The following MPPED1 variants were observed in gnomAD, a reference collection of about 807,000 sequenced individuals.
MPPED1 encodes the protein metallophosphoesterase domain containing 1.
In MPPED1, 16 loss-of-function variants were observed where a neutral mutation model predicts 36.2. The ratio of observed to expected loss-of-function variants is 0.44; its 90% CI spans 0.30 to 0.67. The LOEUF is 0.67. Ranked by LOEUF, MPPED1 falls within the 30% of genes least tolerant of loss-of-function variation. The pLI, the probability that MPPED1 is intolerant of heterozygous loss-of-function variation, is 0.10. For synonymous variants in MPPED1, 199 were observed against 191.3 expected (o/e 1.04, Z -0.33); for missense variants, 307 against 453.4 (o/e 0.68, Z 2.93).
chr22:43,451,752 CG>C (rs1456080777), intron 3 of MPPED1, among the ~76,000 whole-genome samples: 9 of 152,228 alleles, frequency 5.9e-5, no homozygotes, highest in African/African-American at 2.2e-4. Context: ...TCCTGTGTCC[CG>C]GGTGAGTCCA....
At chr22:43,479,262 C>A (rs1000876741) in intron 4 of MPPED1, among the ~76,000 whole-genome samples, 3 of 152,236 alleles carry the variant, frequency 2.0e-5, no homozygotes, top group Admixed American at 1.3e-4. Context: ...ATATTGGCTA[C>A]CACGTGGACT....
At chr22:43,478,463 A>G (rs1320819317) in intron 4 of MPPED1, among the ~76,000 whole-genome samples, 4 of 152,110 alleles carry the variant, frequency 2.6e-5, no homozygotes, top group Admixed American at 2.0e-4. Context: ...TCCATCATCA[A>G]TAAGAGCCAT....
In MPPED1 at chr22:43,412,015, C is replaced by T; in HGVS notation, c.-222C>T. 21 of 978,934 alleles carry T rather than the reference C, an allele frequency of 2.1e-5. No homozygotes were observed. Among genetic ancestry groups the T allele is most frequent in the Non-Finnish European group, 2.5e-5 (21 of 827,324 alleles). The allele number at this position is 978,934 out of a possible 1,614,324, so 60.6% of individuals were successfully genotyped here. On this transcript the variant is annotated 5_prime_UTR_variant, in exon 1 of 7. Transcript: ENST00000443721. ...CCACGAAGGAGGAGTCTGGCTCCCA[C>T]TTGCAGCCTCGGACGCGCGGCGAGG...
At chr22:43,476,363 C>T (rs5759356) in intron 4 of MPPED1, among the ~76,000 whole-genome samples, 65,673 of 151,752 alleles carry the variant, frequency 0.43, 14,650 homozygotes, top group East Asian at 0.63. Context: ...TAACCTGAGC[C>T]TTGAGGGAAG....
intron 3 of MPPED1, among the ~76,000 whole-genome samples, chr22:43,455,115 C>CTTTTTTTTTTTTTTTTTTTTT (rs71284734): frequency 8.1e-6 from 1 of 122,768 alleles, no homozygotes. Context: ...CCTTCATGTC[C>CTTTTTTTTTTTTTTTTTTTTT]TTTTTTTTTT....
chr22:43,474,778 A>G lies in MPPED1; in HGVS notation c.449A>G (p.His150Arg), dbSNP rs1179091323. 6.2e-7 allele frequency: 1 copy of G among 1,613,954 alleles called. No homozygotes were observed. Among genetic ancestry groups the G allele is most frequent in the Non-Finnish European group, 8.5e-7 (1 of 1,179,920 alleles). The stretch of plus-strand genomic sequence containing the variant: ...TACAAGATCGTGATCGCAGGCAACC[A>G]CGAGCTGACCTTTGACCAGGAGTTC... ...YEYKIVIAGN[H>R]ELTFDQEFMA... is the part of the protein sequence containing the mutation. Residue 150 changes from histidine to arginine, a missense_variant, in exon 4 of 7, where the codon CAC (histidine) becomes CGC (arginine). This residue lies in a region of MPPED1 where 6 missense variants were observed against 28.8 expected (regional missense o/e 0.21). Transcript: ENST00000443721. The surrounding 1 kb of genome is among the most constrained non-coding windows in gnomAD (Gnocchi z 5.2).
Position 43,418,095 on chromosome 22 carries a change from G to C in MPPED1, c.-79+5937G>C, listed in dbSNP as rs1433121108. ...CCCCAGTGATTGTTAAAGAGCTGCC[G>C]ATGAATGGAAGAGAAACACAGGTGT... is the stretch of plus-strand genomic sequence containing the variant. On this transcript the variant is annotated intron_variant, in intron 1 of 6. Transcript: ENST00000443721. 15 of 456,142 alleles carry C rather than the reference G, an allele frequency of 3.3e-5. 1 individual carries two copies. The Admixed American group carries it at 3.5e-4, about 11-fold the overall frequency. The allele number at this position is 456,142 out of a possible 1,614,324, so 28.3% of individuals were successfully genotyped here. A position where few individuals can be genotyped will look rare whatever the true frequency, so the allele number is the denominator to read the frequency against.
chr22:43,473,163 G>C (rs1032303521), intron 3 of MPPED1, among the ~76,000 whole-genome samples: 5 of 152,232 alleles, frequency 3.3e-5, no homozygotes, highest in African/African-American at 1.2e-4. Context: ...GGTGGAAAAG[G>C]CTCTGCTGTT....
intron 4 of MPPED1, among the ~76,000 whole-genome samples, chr22:43,495,552 A>G (rs936307566): frequency 5.4e-5 from 1 of 18,528 alleles, no homozygotes; most frequent in Admixed American, 5.4e-4. Flanking sequence ...GTGGTGGTGG[A>G]GATGGTGGTG....
chr22:43,430,750 G>A (rs1929648465), intron 2 of MPPED1, among the ~76,000 whole-genome samples: 1 of 151,896 alleles, frequency 6.6e-6, no homozygotes, highest in African/African-American at 2.4e-5. Context: ...TTTTGGGGGG[G>A]AGTCACAAAG....
chr22:43,495,460 A>G (rs1260377554), intron 4 of MPPED1, among the ~76,000 whole-genome samples: 18 of 55,046 alleles, frequency 3.3e-4, no homozygotes, highest in Admixed American at 8.4e-4. Context: ...TGGTGGTGGA[A>G]GTGCTGGTGA....
chr22:43,462,162 T>C (rs1437863429), intron 3 of MPPED1, among the ~76,000 whole-genome samples: 1 of 152,224 alleles, frequency 6.6e-6, no homozygotes, highest in African/African-American at 2.4e-5. Context: ...GTTGTAGGTT[T>C]TGAGCAACAG....
intron 2 of MPPED1, among the ~76,000 whole-genome samples, chr22:43,430,006 G>A (rs188668876): frequency 3.3e-4 from 51 of 152,266 alleles, no homozygotes; most frequent in Admixed American, 6.5e-4. Context: ...CTGGGCAAGC[G>A]GTTGGGGCAG....
chr22:43,498,922 A>G (rs929527220), intron 5 of MPPED1, among the ~76,000 whole-genome samples: 1 of 151,978 alleles, frequency 6.6e-6, no homozygotes, highest in Non-Finnish European at 1.5e-5. Context: ...CAGCCTGGCC[A>G]TCACCACATC....
At chr22:43,501,468 G>A (rs751131179) in intron 5 of MPPED1, among the ~76,000 whole-genome samples, 6 of 150,952 alleles carry the variant, frequency 4.0e-5, no homozygotes, top group Non-Finnish European at 5.9e-5. Context: ...CGCCCCGCCC[G>A]GGCCCCTTCA....
intron 3 of MPPED1, among the ~76,000 whole-genome samples, chr22:43,447,877 ATATATAT>A (rs1227180520): frequency 1.5e-4 from 5 of 32,486 alleles, no homozygotes; most frequent in Non-Finnish European, 2.1e-4. Flanking sequence ...ATATATATAT[ATATATAT>A]TTTTTTTTTT....
chr22:43,487,429 C>G (rs1931947527), intron 4 of MPPED1, among the ~76,000 whole-genome samples: 1 of 152,308 alleles, frequency 6.6e-6, no homozygotes, highest in South Asian at 2.1e-4. Flanking sequence ...ACAGAATGAC[C>G]TGGAAGGTGG....
At chr22:43,483,507 C>T (rs1931813521) in intron 4 of MPPED1, among the ~76,000 whole-genome samples, 1 of 152,286 alleles carries the variant, frequency 6.6e-6, no homozygotes, top group African/African-American at 2.4e-5. Flanking sequence ...CCCTCGGTGC[C>T]TCCTCCTGTC....
At chr22:43,477,200 C>T (rs968919313) in intron 4 of MPPED1, among the ~76,000 whole-genome samples, 9 of 152,214 alleles carry the variant, frequency 5.9e-5, no homozygotes, top group Non-Finnish European at 1.2e-4. Context: ...ATGTGTCAGG[C>T]CCTGTGCCAG....
Sources: gnomAD v4.1 joint callset for allele counts (sites outside exome capture counted in the v4.1 genomes callset) on GRCh38, gnomAD v4.1.1 for gene constraint, gnomAD v4.1.1 regional missense constraint, Gnocchi (gnomAD v3.1) non-coding constraint, MANE v1.5 for transcripts, NCBI Gene and HGNC (gene_info 2026-07-23, HGNC 2026-07-21) for gene names.